Variants in PSMA6 observed in about 807,000 individuals in gnomAD.
The protein encoded by PSMA6 is proteasome subunit alpha type-6.
For missense variants in PSMA6, 170 were observed against 294.8 expected (o/e 0.58, Z 3.10); for synonymous variants, 88 against 97.7 (o/e 0.90, Z 0.59).
chr14:35,298,489 CAAAAAAAGAAA>C (rs1287234749), intron 1 of PSMA6, among the ~76,000 whole-genome samples: 5 of 146,696 alleles, frequency 3.4e-5, no homozygotes, highest in African/African-American at 1.3e-4. Context: ...GACTCCATCT[CAAAAAAAGAAA>C]AAAAAAAGGA....
upstream of PSMA6, among the ~76,000 whole-genome samples, chr14:35,289,915 CAAAAAA>C (rs750610944): frequency 1.6e-4 from 13 of 79,620 alleles, no homozygotes; most frequent in Non-Finnish European, 2.9e-4. Context: ...TACCGCATTT[CAAAAAA>C]AAAAAAAAAA....
At chr14:35,312,734 A>G (rs1037372425) in intron 4 of PSMA6, 147 bp from the exon 5 acceptor site, 9 of 629,718 alleles carry the variant, frequency 1.4e-5, no homozygotes, top group Admixed American at 3.2e-5. Context: ...GATAACCTGT[A>G]TTTTATCAGT....
intron 6 of PSMA6, chr14:35,315,280 C>T (rs1355353379): frequency 2.0e-5 from 3 of 151,956 alleles, no homozygotes; most frequent in Non-Finnish European, 2.9e-5. Flanking sequence ...GTAAACTAAG[C>T]TTAACTAGAC....
At position 35,308,032 on chromosome 14, in the gene PSMA6, T is replaced by C; in HGVS notation, c.115T>C (p.Ser39Pro). Reference sequence around the variant, plus strand: ...GGCTATTAACCAGGGTGGCCTTACATCAGTAGCTGTCAGAGGGAAAGACTG... The same window carrying C: ...GGCTATTAACCAGGGTGGCCTTACACCAGTAGCTGTCAGAGGGAAAGACTG... ...FKAINQGGLTSVAVRGKDCAV... is the reference protein window; with the variant it reads ...FKAINQGGLTPVAVRGKDCAV... Residue 39 changes from serine (S) to proline (P), a missense_variant, in exon 2 of 7, where the codon TCA becomes CCA. Physicochemically the swap from Ser to Pro is moderately conservative, Grantham distance 74. Transcript: ENST00000261479. 6.2e-7 allele frequency: 1 copy of C among 1,614,050 alleles called. No homozygotes were observed. Among genetic ancestry groups the C allele is most frequent in the Non-Finnish European group, 8.5e-7 (1 of 1,179,930 alleles).
At chr14:35,314,176 G>T in intron 5 of PSMA6, 185 bp from the exon 6 acceptor site, 1 of 498,330 alleles carries the variant, frequency 2.0e-6, no homozygotes, top group Non-Finnish European at 3.0e-6. Context: ...TATTTGACTT[G>T]GTAGAAAAAA....
intron 1 of PSMA6, among the ~76,000 whole-genome samples, chr14:35,280,145 G>A (rs2051350797): frequency 2.1e-5 from 3 of 142,158 alleles, no homozygotes; most frequent in Admixed American, 7.2e-5. Flanking sequence ...AAAAAAAAAA[G>A]AATGTATTTT....
upstream of PSMA6, chr14:35,292,360 G>T: frequency 6.5e-7 from 1 of 1,529,792 alleles, no homozygotes; most frequent in Non-Finnish European, 8.8e-7. Context: ...TGCAAGAGCG[G>T]AAGAAACGCG....
upstream of PSMA6, among the ~76,000 whole-genome samples, chr14:35,289,745 C>G (rs2051457021): frequency 1.3e-5 from 2 of 151,770 alleles, no homozygotes; most frequent in African/African-American, 4.8e-5. Flanking sequence ...TACAGTGAAA[C>G]CTAGTCTCTA....
intron 6 of PSMA6, chr14:35,314,697 TA>T: frequency 3.4e-6 from 1 of 294,732 alleles, no homozygotes; most frequent in Non-Finnish European, 5.8e-6. Context: ...AGAGATGACA[TA>T]AAGTTACCTT....
chr14:35,309,097 T>C, intron 3 of PSMA6, 102 bp downstream of exon 3: 1 of 892,640 alleles, frequency 1.1e-6, no homozygotes, highest in South Asian at 1.7e-5. Flanking sequence ...ACTTATTGCC[T>C]GATTTTCAAG....
At chr14:35,314,544 CT>C in intron 6 of PSMA6, 89 bp downstream of exon 6, 1 of 1,366,936 alleles carries the variant, frequency 7.3e-7, no homozygotes, top group Non-Finnish European at 9.6e-7. Flanking sequence ...AATCTTTTTT[CT>C]TTAACTGTCA....
Position 35,314,350 on chromosome 14 carries a change from C to CT in PSMA6, c.589-4dup. 4 of 1,594,574 alleles carry CT rather than the reference C, an allele frequency of 2.5e-6. No homozygotes were observed. The highest frequency in any genetic ancestry group is 2.3e-5 in the South Asian group (2 of 87,986). ...AAATACTATATTTTAACATTAAATACTTTTTTTCAGACTGCAATTACATGC... is the reference window on the plus strand; with the variant it reads ...AAATACTATATTTTAACATTAAATACTTTTTTTTCAGACTGCAATTACATGC... On this transcript the variant is annotated splice_polypyrimidine_tract_variant and intron_variant, in intron 5 of 6. Coordinates refer to ENST00000261479, the MANE Select transcript of PSMA6 (RefSeq NM_002791.3).
At chr14:35,310,264 C>G (rs904729760) in intron 3 of PSMA6, 1 of 424,414 alleles carries the variant, frequency 2.4e-6, no homozygotes, top group African/African-American at 2.2e-5. Context: ...TCAAGCAATT[C>G]TCGTGCCTCA....
At chr14:35,283,950 A>G (rs1411825917) in intron 1 of PSMA6, among the ~76,000 whole-genome samples, 1 of 152,072 alleles carries the variant, frequency 6.6e-6, no homozygotes, top group East Asian at 1.9e-4. Flanking sequence ...AAAAACTTTC[A>G]CTTGGTCTAT....
chr14:35,278,780 A>G lies in PSMA6; in HGVS notation c.19+62A>G. 5 of 1,507,996 alleles carry G rather than the reference A, an allele frequency of 3.3e-6. No homozygotes were observed. In the South Asian group the frequency reaches 6.0e-5, roughly 18 times the overall value. 93.4% of individuals were successfully genotyped at this position (1,507,996 alleles called of 1,614,324 possible). ...CTATATTACTGATTCTTTGAAAATAAATCATTCTTATATTTTATTCCTCTT... is the reference window on the plus strand; with the variant it reads ...CTATATTACTGATTCTTTGAAAATAGATCATTCTTATATTTTATTCCTCTT... On this transcript the variant is annotated intron_variant, in intron 1 of 6. Transcript: ENST00000540871.
intron 1 of PSMA6, among the ~76,000 whole-genome samples, chr14:35,279,077 C>G (rs529146580): frequency 1.3e-5 from 2 of 152,044 alleles, no homozygotes; most frequent in Non-Finnish European, 2.9e-5. Flanking sequence ...GATGGAGTTT[C>G]GCTCTTCTCG....
At chr14:35,300,985 T>C (rs918703521) in intron 1 of PSMA6, among the ~76,000 whole-genome samples, 16 of 152,334 alleles carry the variant, frequency 1.1e-4, no homozygotes, top group Non-Finnish European at 1.6e-4. Context: ...TAGACATTTG[T>C]AATTATAAGT....
chr14:35,307,863 C>T, intron 1 of PSMA6, 131 bp from the exon 2 acceptor site: 1 of 715,292 alleles, frequency 1.4e-6, no homozygotes, highest in South Asian at 2.3e-5. Flanking sequence ...TTTGACTTTG[C>T]ACATCCTGGA....
chr14:35,297,746 G>T (rs1287033629), intron 1 of PSMA6, among the ~76,000 whole-genome samples: 1 of 152,162 alleles, frequency 6.6e-6, no homozygotes, highest in East Asian at 1.9e-4. Flanking sequence ...TATCTCTGCT[G>T]TTGTTCTCAC....
Sources: allele counts gnomAD v4.1 joint callset (sites outside exome capture counted in the v4.1 genomes callset), GRCh38; gene constraint gnomAD v4.1.1; transcripts MANE v1.5; gene names NCBI Gene and HGNC (gene_info 2026-07-23, HGNC 2026-07-21).